The following BRD1 variants were observed in gnomAD, a reference collection of about 807,000 sequenced individuals.
BRD1 encodes the protein bromodomain-containing protein 1.
BRD1 carries 24 observed loss-of-function variants against 107.7 expected under a neutral mutation model. That is an observed-to-expected ratio of 0.22 (90% CI 0.16 to 0.31). The LOEUF (loss-of-function observed/expected upper bound fraction) is 0.31, where lower values mean the gene tolerates loss of function less well. BRD1 is among the 10% of genes least tolerant of loss of function. The pLI is 1.00. For synonymous variants in BRD1, 744 were observed against 686.1 expected (o/e 1.08, Z -1.32); for missense variants, 1,279 against 1,638.6 (o/e 0.78, Z 3.79).
chr22:49,825,780 G>A (rs1434555730), intron 1 of BRD1: 1 of 152,310 alleles, frequency 6.6e-6, no homozygotes, highest in Non-Finnish European at 1.5e-5. Context: ...GCTTCCCTCT[G>A]TGAGTCCCGA....
intron 2 of BRD1, among the ~76,000 whole-genome samples, chr22:49,813,140 C>T (rs1005188617): frequency 6.6e-6 from 1 of 152,332 alleles, no homozygotes; most frequent in South Asian, 2.1e-4. Context: ...CCTATGATCC[C>T]AGCACTTTCG....
chr22:49,791,990 C>A (rs1485710215), intron 7 of BRD1, among the ~76,000 whole-genome samples: 1 of 152,106 alleles, frequency 6.6e-6, no homozygotes, highest in African/African-American at 2.4e-5. Context: ...TACAAAGCAA[C>A]AAAAATGGTC....
intron 8 of BRD1, among the ~76,000 whole-genome samples, chr22:49,779,033 C>A (rs1257591288): frequency 2.0e-5 from 3 of 152,164 alleles, no homozygotes; most frequent in Admixed American, 6.5e-5. Flanking sequence ...ATTTTTAAAT[C>A]TATTTCCAAA....
rs564674970 is a variant in BRD1, at chr22:49,793,683, C to T, written c.2359+351G>A. On this transcript the variant is annotated intron_variant, in intron 7 of 12. Transcript: ENST00000404760. ...ATGCAACAAAAACATTTCTCACTCTCATCATTCAGGCTACCTTTACTCTTC... is the reference window on the plus strand; with the variant it reads ...ATGCAACAAAAACATTTCTCACTCTTATCATTCAGGCTACCTTTACTCTTC... Among the ~76,000 whole-genome samples, 183 of 152,374 alleles carry T rather than the reference C, an allele frequency of 1.2e-3. 1 individual carries two copies. The highest frequency in any genetic ancestry group is 1.8e-3 in the Non-Finnish European group (120 of 68,038).
chr22:49,776,020 AC>A (rs2059090755), intron 11 of BRD1, 29 bp downstream of exon 11: 1 of 1,539,182 alleles, frequency 6.5e-7, no homozygotes, highest in African/African-American at 1.4e-5. Flanking sequence ...CCTCCTCTGG[AC>A]CCGCAGGCGC....
Position 49,794,312 on chromosome 22 carries a change from T to A in BRD1, c.2099-18A>T, listed in dbSNP as rs765357411. ...CCTGTCCACTGAACCAAAGGACACA[T>A]GCTGTCAGTCATCAGGTCCCACGCA... On this transcript the variant is annotated intron_variant, in intron 6 of 12. Transcript: ENST00000404760. The A allele has an allele frequency of 5.0e-6, 8 of 1,595,724 alleles. No homozygotes were observed. The highest frequency in any genetic ancestry group is 1.3e-5 in the African/African-American group (1 of 74,684).
Position 49,777,192 on chromosome 22 carries a change from G to GC in BRD1, c.2994-32dup, listed in dbSNP as rs747305183. 3.1e-6 allele frequency: 5 copies of GC among 1,607,096 alleles called. No individual in the cohort carries two copies. In the Admixed American group the frequency reaches 8.3e-5, roughly 27 times the overall value. On this transcript the variant is annotated intron_variant, in intron 9 of 12. Coordinates refer to ENST00000404760, the MANE Select transcript of BRD1 (RefSeq NM_001304808.3). ...GGAGGAAGAGCAGAGGGAGTCAGGC[G>GC]CCCCGCCCCTGCCTTCAGCCTCACT...
At chr22:49,788,135 G>A (rs1247092827) in intron 7 of BRD1, among the ~76,000 whole-genome samples, 1 of 152,180 alleles carries the variant, frequency 6.6e-6, no homozygotes, top group Non-Finnish European at 1.5e-5. Flanking sequence ...AAAAAACTGT[G>A]AAAGATTATT....
chr22:49,820,572 C>T (rs891689451), intron 2 of BRD1, among the ~76,000 whole-genome samples: 2 of 152,232 alleles, frequency 1.3e-5, no homozygotes, highest in African/African-American at 4.8e-5. Flanking sequence ...CGCCACTGCA[C>T]TCCAACGTGG....
At chr22:49,826,917 A>T (rs953403916) in intron 1 of BRD1, among the ~76,000 whole-genome samples, 1 of 152,174 alleles carries the variant, frequency 6.6e-6, no homozygotes, top group Non-Finnish European at 1.5e-5. Context: ...ACTCGTTTTA[A>T]AAGGCCCGGG....
Position 49,810,434 on chromosome 22 carries a change from A to G in BRD1, c.1368-6074T>C, listed in dbSNP as rs2059828675. Reference sequence around the variant, plus strand: ...CCTTGGTTAGGCAAAGGCTTCTTACATGTGACACCAAAAGCACAAGCAACC... The same window carrying G: ...CCTTGGTTAGGCAAAGGCTTCTTACGTGTGACACCAAAAGCACAAGCAACC... On this transcript the variant is annotated intron_variant, in intron 2 of 12. Transcript: ENST00000404760. Among the ~76,000 whole-genome samples, 3 of 152,348 alleles carry G rather than the reference A, an allele frequency of 2.0e-5. No individual in the cohort carries two copies. In the South Asian group the frequency reaches 6.2e-4, roughly 32 times the overall value.
chr22:49,782,168 C>T (rs1294977952), intron 8 of BRD1, among the ~76,000 whole-genome samples: 1 of 148,718 alleles, frequency 6.7e-6, no homozygotes, highest in East Asian at 2.0e-4. Flanking sequence ...GGACCTGCTC[C>T]GTGACAATGC....
chr22:49,802,824 CAG>C (rs1256044487), intron 3 of BRD1, among the ~76,000 whole-genome samples: 9 of 152,254 alleles, frequency 5.9e-5, no homozygotes, highest in African/African-American at 2.2e-4. Context: ...GAGGTGAGGA[CAG>C]AGGAGAGATG....
Position 49,824,206 on chromosome 22 carries a change from T to TTTGAGC in BRD1, c.106_111dup (p.Ala36_Gln37dup). On this transcript the variant is annotated inframe_insertion, in exon 2 of 13. Transcript: ENST00000404760. This position sits in a 1 kb window ranked among gnomAD's most constrained non-coding sequence, Gnocchi z 5.9. ...CCTTCAATTTCTATCTCTACCATCCTTTGAGCTTGAGCGTAGGTCAGCGTT... is the reference window on the plus strand; with the variant it reads ...CCTTCAATTTCTATCTCTACCATCCTTTGAGCTTGAGCTTGAGCGTAGGTCAGCGTT... 6.2e-7 allele frequency: 1 copy of TTTGAGC among 1,613,966 alleles called. No individual in the cohort carries two copies. Among genetic ancestry groups the TTTGAGC allele is most frequent in the Non-Finnish European group, 8.5e-7 (1 of 1,180,028 alleles).
intron 12 of BRD1, 39 bp from the exon 13 acceptor site, chr22:49,774,455 C>T (rs760244167): frequency 8.8e-6 from 14 of 1,584,518 alleles, no homozygotes; most frequent in Non-Finnish European, 1.1e-5. Context: ...TCATTGCTTG[C>T]ACATGGTATT....
At chr22:49,775,874 C>T in intron 11 of BRD1, 129 bp from the exon 12 acceptor site, 7 of 1,195,290 alleles carry the variant, frequency 5.9e-6, no homozygotes, top group Non-Finnish European at 8.0e-6. Flanking sequence ...CCCACGCCCC[C>T]CTCGCCGAAC....
chr22:49,824,138 T>C lies in BRD1; in HGVS notation c.180A>G (p.Ile60Met). 6.2e-7 allele frequency: 1 copy of C among 1,614,000 alleles called. No homozygotes were observed. The highest frequency in any genetic ancestry group is 8.5e-7 in the Non-Finnish European group (1 of 1,180,048). Reference sequence around the variant, plus strand: ...CTTGAGCAGTGAGGTCATCTTCCAATATGATCTCCAGGGGATCAAAAATAC... The same window carrying C: ...CTTGAGCAGTGAGGTCATCTTCCAACATGATCTCCAGGGGATCAAAAATAC... Reference protein sequence around the residue: ...RISIFDPLEIILEDDLTAQEM... With the variant: ...RISIFDPLEIMLEDDLTAQEM... Residue 60 changes from isoleucine to methionine, a missense_variant, in exon 2 of 13, where the codon ATA becomes ATG. Physicochemically the swap from Ile to Met is conservative, Grantham distance 10. Transcript: ENST00000404760. The surrounding 1 kb of genome is among the most constrained non-coding windows in gnomAD (Gnocchi z 5.9).
chr22:49,811,438 G>C (rs913452255), intron 2 of BRD1, among the ~76,000 whole-genome samples: 2 of 152,196 alleles, frequency 1.3e-5, no homozygotes, highest in African/African-American at 4.8e-5. Context: ...CAAGGGGGAT[G>C]GTTCCAAGAC....
chr22:49,810,596 T>C (rs1048171806), intron 2 of BRD1, among the ~76,000 whole-genome samples: 10 of 152,176 alleles, frequency 6.6e-5, no homozygotes, highest in African/African-American at 2.4e-4. Context: ...GGGAGTCTAG[T>C]ACCCAGAACA....
Sources: allele counts gnomAD v4.1 joint callset (sites outside exome capture counted in the v4.1 genomes callset), GRCh38; gene constraint gnomAD v4.1.1; non-coding constraint Gnocchi (gnomAD v3.1); transcripts MANE v1.5; gene names NCBI Gene and HGNC (gene_info 2026-07-23, HGNC 2026-07-21).